Variants in CTNNBL1 observed in about 807,000 individuals in gnomAD.
CTNNBL1 encodes the protein catenin beta like 1, also known as beta-catenin-like protein 1.
Under a neutral mutation model 72.7 loss-of-function variants are expected in CTNNBL1, and 31 were observed. The observed-to-expected ratio is 0.43, with a 90% CI of 0.32 to 0.58. CTNNBL1 has a LOEUF of 0.58. CTNNBL1 is among the 20% of genes least tolerant of loss of function. CTNNBL1 has a pLI of 0.08. For missense variants in CTNNBL1, 534 were observed against 725.1 expected, an observed-to-expected ratio of 0.74 and a Z score of 3.03; for synonymous variants, 240 against 267.3, an observed-to-expected ratio of 0.90 and a Z score of 1.00.
At chr20:37,722,927 T>C (rs1014348727) in intron 1 of CTNNBL1, among the ~76,000 whole-genome samples, 20 of 152,246 alleles carry the variant, frequency 1.3e-4, no homozygotes, top group African/African-American at 4.8e-4. Context: ...ACTTCCTTAA[T>C]GAATGAATGG....
intron 13 of CTNNBL1, among the ~76,000 whole-genome samples, chr20:37,849,485 T>C (rs1436238180): frequency 1.3e-5 from 2 of 152,218 alleles, no homozygotes; most frequent in African/African-American, 4.8e-5. Context: ...CTTCTAGACA[T>C]TGGCCCATTG....
rs34901589 is a variant in CTNNBL1 at position 37,729,477 on chromosome 20, GT to G, written c.31-3391del. ...TGTGTTCAAAAGAGACATAGCTAGTGTTTTTTTTTTTCTATTTTGCATTTCT... is the reference window on the plus strand; with the variant it reads ...TGTGTTCAAAAGAGACATAGCTAGTGTTTTTTTTTTCTATTTTGCATTTCT... On this transcript the variant is annotated intron_variant, in intron 1 of 15. Coordinates refer to ENST00000361383, the MANE Select transcript of CTNNBL1 (RefSeq NM_030877.5). Among the ~76,000 whole-genome samples, 446 of 148,566 alleles carry G rather than the reference GT, an allele frequency of 3.0e-3. 5 individuals carry two copies. The highest frequency in any genetic ancestry group is 0.018 in the East Asian group (91 of 5,092).
intron 7 of CTNNBL1, among the ~76,000 whole-genome samples, chr20:37,768,310 T>C (rs2073489548): frequency 6.6e-6 from 1 of 152,264 alleles, no homozygotes; most frequent in Non-Finnish European, 1.5e-5. Context: ...TCCCCTCTGC[T>C]GATCCCTTGT....
At chr20:37,805,071 C>T (rs974430291) in intron 11 of CTNNBL1, among the ~76,000 whole-genome samples, 1 of 152,276 alleles carries the variant, frequency 6.6e-6, no homozygotes, top group African/African-American at 2.4e-5. Flanking sequence ...CTCCTACAAA[C>T]CGGCCTTCGG....
chr20:37,767,576 C>T (rs1439272589), intron 6 of CTNNBL1, among the ~76,000 whole-genome samples: 1 of 152,326 alleles, frequency 6.6e-6, no homozygotes, highest in Non-Finnish European at 1.5e-5. Flanking sequence ...TGAGTTTTCC[C>T]TAAGGCTTTT....
chr20:37,739,341 A>G lies in CTNNBL1; in HGVS notation c.326+1857A>G, dbSNP rs182841817. On this transcript the variant is annotated intron_variant, in intron 3 of 15. Coordinates refer to ENST00000361383, the MANE Select transcript of CTNNBL1 (RefSeq NM_030877.5). ...TTTGGGTCATCTAACAGATCTGTCCAGGTGGTACATGCATATCTACCTTGT... is the reference window on the plus strand; with the variant it reads ...TTTGGGTCATCTAACAGATCTGTCCGGGTGGTACATGCATATCTACCTTGT... 8.2e-4 allele frequency among the ~76,000 whole-genome samples: 125 copies of G among 152,292 alleles called. 1 individual carries two copies. The highest frequency in any genetic ancestry group is 3.1e-3 in the South Asian group (15 of 4,826).
intron 11 of CTNNBL1, among the ~76,000 whole-genome samples, chr20:37,808,494 A>G (rs2071980145): frequency 6.6e-6 from 1 of 152,184 alleles, no homozygotes; most frequent in African/African-American, 2.4e-5. Context: ...TCAAAATATA[A>G]CAAAGACCTA....
At chr20:37,767,749 C>G (rs554940192) in intron 6 of CTNNBL1, among the ~76,000 whole-genome samples, 2 of 152,266 alleles carry the variant, frequency 1.3e-5, no homozygotes, top group Admixed American at 1.3e-4. Context: ...CCATCATTTT[C>G]AGTTATGAGT....
chr20:37,767,000 G>A (rs753948215), intron 6 of CTNNBL1, among the ~76,000 whole-genome samples: 4 of 152,148 alleles, frequency 2.6e-5, no homozygotes, highest in East Asian at 1.9e-4. Context: ...CCACAGCTTC[G>A]TGCTTCCCCT....
intron 13 of CTNNBL1, among the ~76,000 whole-genome samples, chr20:37,854,305 C>T (rs983074642): frequency 6.6e-6 from 1 of 152,130 alleles, no homozygotes; most frequent in African/African-American, 2.4e-5. Flanking sequence ...AGGGGTACTT[C>T]TGACCTAATT....
chr20:37,708,743 C>T (rs2072911691), intron 1 of CTNNBL1, among the ~76,000 whole-genome samples: 1 of 152,136 alleles, frequency 6.6e-6, no homozygotes, highest in Non-Finnish European at 1.5e-5. Context: ...TCTTTTAACT[C>T]ACTTTGGATT....
intron 13 of CTNNBL1, among the ~76,000 whole-genome samples, chr20:37,855,153 A>G (rs11700341): frequency 0.32 from 47,598 of 148,154 alleles, 8,445 homozygotes; most frequent in South Asian, 0.43. Context: ...TAATGTTTCC[A>G]TTAGTGATAC....
rs1305097955 is a variant in CTNNBL1 at position 37,808,480 on chromosome 20, A to G, written c.1213+5432A>G. On this transcript the variant is annotated intron_variant, in intron 11 of 15. Coordinates refer to ENST00000361383, the MANE Select transcript of CTNNBL1 (RefSeq NM_030877.5). ...GCCAGCTTTTACTGGGGCTCCTGCT[A>G]TGTTCAAAATATAACAAAGACCTAG... is the stretch of plus-strand genomic sequence containing the variant. 3.3e-5 allele frequency among the ~76,000 whole-genome samples: 5 copies of G among 152,206 alleles called. 1 individual carries two copies. The highest frequency in any genetic ancestry group is 6.5e-5 in the Admixed American group (1 of 15,284).
chr20:37,698,771 C>A (rs575915162), intron 1 of CTNNBL1, among the ~76,000 whole-genome samples: 3 of 152,288 alleles, frequency 2.0e-5, no homozygotes, highest in African/African-American at 2.4e-5. Flanking sequence ...TGAGGCCAAG[C>A]GTGGTTGTTC....
chr20:37,738,857 C>T (rs2073191152), intron 3 of CTNNBL1, among the ~76,000 whole-genome samples: 3 of 152,184 alleles, frequency 2.0e-5, no homozygotes, highest in Admixed American at 6.5e-5. Flanking sequence ...ACAGAGGTGT[C>T]AGCGGGCACA....
chr20:37,704,169 A>G (rs2072866745), intron 1 of CTNNBL1, among the ~76,000 whole-genome samples: 1 of 152,160 alleles, frequency 6.6e-6, no homozygotes, highest in East Asian at 1.9e-4. Context: ...GAAAATGATT[A>G]ACTCACAGTT....
chr20:37,725,471 T>G (rs954759215), intron 1 of CTNNBL1, among the ~76,000 whole-genome samples: 1 of 151,722 alleles, frequency 6.6e-6, no homozygotes, highest in Non-Finnish European at 1.5e-5. Flanking sequence ...TAATTTTTTA[T>G]TTTTACTAGA....
chr20:37,694,286 G>GC (rs2072769486), intron 1 of CTNNBL1, 134 bp downstream of exon 1: 1 of 744,520 alleles, frequency 1.3e-6, no homozygotes, highest in Non-Finnish European at 2.1e-6. Context: ...CGGGGTCTCA[G>GC]CCCCTCGTTT....
intron 1 of CTNNBL1, among the ~76,000 whole-genome samples, chr20:37,700,890 A>G (rs569960986): frequency 2.4e-4 from 37 of 152,332 alleles, no homozygotes; most frequent in Non-Finnish European, 4.6e-4. Context: ...CTTGTCCTCT[A>G]TCAGTAATAT....
Sources: allele counts gnomAD v4.1 joint callset (sites outside exome capture counted in the v4.1 genomes callset), GRCh38; gene constraint gnomAD v4.1.1; transcripts MANE v1.5; gene names NCBI Gene and HGNC (gene_info 2026-07-23, HGNC 2026-07-21).